MAPKAP1: variants seen among roughly 807,000 people sequenced by gnomAD.
The protein encoded by MAPKAP1 is target of rapamycin complex 2 subunit MAPKAP1.
MAPKAP1 carries 20 observed loss-of-function variants against 65.7 expected under a neutral mutation model. That is an observed-to-expected ratio of 0.30 (90% CI 0.21 to 0.44). MAPKAP1 has a LOEUF of 0.44. Among genes scored for constraint, MAPKAP1 ranks in the 20% least tolerant of loss-of-function variants. The pLI is 1.00. For missense variants in MAPKAP1, 423 were observed against 648.0 expected (o/e 0.65, Z 3.77); for synonymous variants, 222 against 244.3 (o/e 0.91, Z 0.85).
intron 4 of MAPKAP1, among the ~76,000 whole-genome samples, chr9:125,649,798 C>CAAA (rs35503728): frequency 1.3e-5 from 1 of 76,204 alleles, no homozygotes. Context: ...AACTCCGTCT[C>CAAA]AAAAAAAAAA....
At chr9:125,560,039 T>G (rs1830846780) in intron 5 of MAPKAP1, among the ~76,000 whole-genome samples, 2 of 152,172 alleles carry the variant, frequency 1.3e-5, no homozygotes. Context: ...ACTCTATTCT[T>G]GCAACATTCA....
chr9:125,649,287 A>T (rs1833823009), intron 4 of MAPKAP1, among the ~76,000 whole-genome samples: 1 of 152,230 alleles, frequency 6.6e-6, no homozygotes, highest in African/African-American at 2.4e-5. Context: ...AGAAGGTAGT[A>T]CAACAACAGT....
chr9:125,545,883 A>C (rs1288110647), intron 6 of MAPKAP1, among the ~76,000 whole-genome samples: 1 of 152,188 alleles, frequency 6.6e-6, no homozygotes, highest in East Asian at 1.9e-4. Context: ...TGGAGGAATA[A>C]AGGATTACCT....
At chr9:125,569,090 A>G (rs1589295423) in intron 5 of MAPKAP1, among the ~76,000 whole-genome samples, 2 of 152,326 alleles carry the variant, frequency 1.3e-5, no homozygotes, top group Non-Finnish European at 1.5e-5. Flanking sequence ...TTTTCCAGAC[A>G]AGCCAGCAAG....
At chr9:125,641,111 A>G (rs938212389) in intron 4 of MAPKAP1, among the ~76,000 whole-genome samples, 1 of 152,218 alleles carries the variant, frequency 6.6e-6, no homozygotes, top group Non-Finnish European at 1.5e-5. Flanking sequence ...GATGCTGTGT[A>G]GATTAGATGC....
At chr9:125,526,881 T>TTC (rs5900664) in intron 7 of MAPKAP1, among the ~76,000 whole-genome samples, 140,325 of 151,440 alleles carry the variant, frequency 0.93, 65,848 homozygotes, top group East Asian at 1. Context: ...GTTCAAGTGA[T>TTC]TTCTGCCTTA....
At chr9:125,469,823 G>A (rs903619820) in intron 9 of MAPKAP1, among the ~76,000 whole-genome samples, 1 of 152,128 alleles carries the variant, frequency 6.6e-6, no homozygotes, top group Non-Finnish European at 1.5e-5. Flanking sequence ...AATAGATTAC[G>A]ACTACCCAGT....
At chr9:125,541,681 A>G (rs931082592) in intron 7 of MAPKAP1, among the ~76,000 whole-genome samples, 8 of 152,196 alleles carry the variant, frequency 5.3e-5, no homozygotes, top group Non-Finnish European at 8.8e-5. Flanking sequence ...CGCAATGGAT[A>G]AAAGTCACCC....
At chr9:125,652,270 C>T (rs756785991) in intron 4 of MAPKAP1, 1 of 1,222,540 alleles carries the variant, frequency 8.2e-7, no homozygotes. Flanking sequence ...GAAACAAGAG[C>T]AGCATGCAAA....
At chr9:125,527,957 G>C (rs553798812) in intron 7 of MAPKAP1, among the ~76,000 whole-genome samples, 1 of 152,324 alleles carries the variant, frequency 6.6e-6, no homozygotes, top group South Asian at 2.1e-4. Context: ...TAAACACAAA[G>C]TGGTGGCCTC....
intron 8 of MAPKAP1, among the ~76,000 whole-genome samples, chr9:125,502,617 T>C (rs1462580203): frequency 6.6e-6 from 1 of 152,218 alleles, no homozygotes; most frequent in Admixed American, 6.5e-5. Context: ...TCTTGTTTTT[T>C]CCTAGCCTAA....
At chr9:125,461,366 A>C (rs1344564109) in intron 10 of MAPKAP1, among the ~76,000 whole-genome samples, 1 of 152,216 alleles carries the variant, frequency 6.6e-6, no homozygotes, top group African/African-American at 2.4e-5. Context: ...ACTAAGCAGC[A>C]CTTCCACAGG....
intron 3 of MAPKAP1, among the ~76,000 whole-genome samples, chr9:125,662,857 A>G (rs537638011): frequency 4.6e-5 from 7 of 152,088 alleles, no homozygotes; most frequent in African/African-American, 1.7e-4. Context: ...CAGTTTCCTT[A>G]TATGTTAAAA....
intron 10 of MAPKAP1, among the ~76,000 whole-genome samples, chr9:125,449,568 A>G (rs1246000066): frequency 3.3e-5 from 5 of 152,198 alleles, no homozygotes; most frequent in Admixed American, 2.0e-4. Context: ...GAAAATCTGG[A>G]TATGTAGAAC....
chr9:125,484,701 A>C, intron 8 of MAPKAP1, 118 bp from the exon 9 acceptor site: 1 of 974,130 alleles, frequency 1.0e-6, no homozygotes, highest in Non-Finnish European at 1.5e-6. Context: ...GGAGAAGAAA[A>C]GGCTGAGCGA....
intron 11 of MAPKAP1, among the ~76,000 whole-genome samples, chr9:125,443,515 T>C (rs1371577326): frequency 1.3e-5 from 2 of 152,178 alleles, no homozygotes; most frequent in Non-Finnish European, 2.9e-5. Context: ...ACTCAGAGTG[T>C]GGTGCCCAGA....
At chr9:125,486,889 C>T (rs1307317657) in intron 8 of MAPKAP1, among the ~76,000 whole-genome samples, 2 of 152,144 alleles carry the variant, frequency 1.3e-5, no homozygotes, top group Non-Finnish European at 2.9e-5. Flanking sequence ...TGGCCGCAAG[C>T]CCCCGGCACT....
At chr9:125,483,353 T>C (rs916521141) in intron 9 of MAPKAP1, among the ~76,000 whole-genome samples, 5 of 152,206 alleles carry the variant, frequency 3.3e-5, no homozygotes, top group African/African-American at 9.7e-5. Context: ...TGTCAGCATA[T>C]TGGAAGTTCC....
chr9:125,658,949 C>A (rs1227806624), intron 3 of MAPKAP1, among the ~76,000 whole-genome samples: 3 of 151,024 alleles, frequency 2.0e-5, no homozygotes, highest in Non-Finnish European at 4.4e-5. Flanking sequence ...TTAGAACTTT[C>A]AAAAAAAAAT....
Sources: gnomAD v4.1 joint callset for allele counts (sites outside exome capture counted in the v4.1 genomes callset) on GRCh38, gnomAD v4.1.1 for gene constraint, MANE v1.5 for transcripts, NCBI Gene and HGNC (gene_info 2026-07-23, HGNC 2026-07-21) for gene names.